Variants in SLC30A7 observed in about 807,000 individuals in gnomAD.
SLC30A7 encodes solute carrier family 30 member 7.
Under a neutral mutation model 46.0 loss-of-function variants are expected in SLC30A7, and 35 were observed. The ratio of observed to expected loss-of-function variants is 0.76; its 90% CI spans 0.58 to 1.01. The LOEUF (loss-of-function observed/expected upper bound fraction) is 1.01. Ranked by LOEUF, SLC30A7 falls within the 50% of genes least tolerant of loss-of-function variation. The pLI is 0.00. For missense variants in SLC30A7, 464 were observed against 451.1 expected (o/e 1.03, Z -0.26); for synonymous variants, 147 against 157.8 (o/e 0.93, Z 0.51).
intron 8 of SLC30A7, among the ~76,000 whole-genome samples, chr1:100,956,839 A>G (rs2101078313): frequency 6.6e-6 from 1 of 152,206 alleles, no homozygotes; most frequent in East Asian, 1.9e-4. Context: ...CCATTTACCA[A>G]AAGTTCATGG....
chr1:100,967,026 C>T (rs1190224850), intron 10 of SLC30A7, among the ~76,000 whole-genome samples: 1 of 152,140 alleles, frequency 6.6e-6, no homozygotes, highest in African/African-American at 2.4e-5. Flanking sequence ...AGCTATGTAA[C>T]TGACTATTAA....
downstream of SLC30A7, among the ~76,000 whole-genome samples, chr1:100,985,578 C>G (rs1657216187): frequency 6.6e-6 from 1 of 152,060 alleles, no homozygotes; most frequent in African/African-American, 2.4e-5. Flanking sequence ...ATGCACAGAT[C>G]AATAGAACAG....
chr1:100,936,690 A>C (rs1414396794), intron 8 of SLC30A7, among the ~76,000 whole-genome samples: 1 of 152,104 alleles, frequency 6.6e-6, no homozygotes, highest in Non-Finnish European at 1.5e-5. Context: ...CCATCCATCC[A>C]CAGAACTCTT....
rs1187420834 is a variant in SLC30A7 at position 100,906,965 on chromosome 1, G to C, written c.296G>C (p.Gly99Ala). The change falls in exon 3 of 11, where the codon GGG becomes GCG. Residue 99 changes from glycine (G) to alanine (A), a missense_variant and splice_region_variant. Gly to Ala is a moderately conservative substitution (Grantham distance 60). Coordinates refer to ENST00000357650, the MANE Select transcript of SLC30A7 (RefSeq NM_133496.5). ...AGAGATAATGATGCTTTCTCCTATG[G>C]GTAAGACTTTAAGAAAAAAAATCTT... ...KWRDNDAFSY[G>A]YVRAEVLAGF... The C allele has an allele frequency of 1.3e-6, 2 of 1,583,952 alleles. No homozygotes were observed. Among genetic ancestry groups the C allele is most frequent in the Non-Finnish European group, 1.7e-6 (2 of 1,156,764 alleles).
In SLC30A7 at chr1:100,912,163, A is replaced by G; in HGVS notation, c.436A>G (p.Ile146Val). 2 of 1,613,932 alleles carry G rather than the reference A, an allele frequency of 1.2e-6. No individual in the cohort carries two copies. The highest frequency in any genetic ancestry group is 1.7e-6 in the Non-Finnish European group (2 of 1,179,862). The change falls in exon 5 of 11, where the codon ATT (isoleucine) becomes GTT (valine). Residue 146 changes from isoleucine to valine, a missense_variant. Ile to Val is a conservative substitution (Grantham distance 29). Coordinates refer to ENST00000357650, the MANE Select transcript of SLC30A7 (RefSeq NM_133496.5). ...CCATGAGAGACTGCTTCTTGTTTCC[A>G]TTCTTGGGTTTGTGGTAAACCTAAT... ...VHHERLLLVS[I>V]LGFVVNLIGI...
At chr1:100,915,098 AC>A (rs1302637483) in intron 6 of SLC30A7, among the ~76,000 whole-genome samples, 3 of 89,970 alleles carry the variant, frequency 3.3e-5, no homozygotes, top group African/African-American at 4.5e-5. Context: ...GTTTCCTCCT[AC>A]TCTCAATTCT....
intron 2 of SLC30A7, among the ~76,000 whole-genome samples, chr1:100,899,933 T>C (rs1651197302): frequency 6.6e-6 from 1 of 152,166 alleles, no homozygotes; most frequent in Admixed American, 6.5e-5. Context: ...CAGCCATGTA[T>C]TCTGCGGAAA....
At chr1:100,955,312 A>T (rs1655167854) in intron 8 of SLC30A7, among the ~76,000 whole-genome samples, 1 of 152,092 alleles carries the variant, frequency 6.6e-6, no homozygotes, top group South Asian at 2.1e-4. Context: ...AGTAAAGAGT[A>T]ATAAGTAACT....
intron 2 of SLC30A7, 113 bp downstream of exon 2, chr1:100,896,784 C>T: frequency 2.4e-6 from 2 of 848,958 alleles, no homozygotes; most frequent in Non-Finnish European, 3.9e-6. Flanking sequence ...ACCTTTGTTA[C>T]CTACCTCTGC....
chr1:100,941,825 C>G, intron 8 of SLC30A7: 1 of 527,382 alleles, frequency 1.9e-6, no homozygotes, highest in South Asian at 1.6e-5. Context: ...ACCCAAGGCC[C>G]CTGGAGTGCC....
chr1:100,907,534 C>A (rs983360878), intron 3 of SLC30A7, among the ~76,000 whole-genome samples: 1 of 152,134 alleles, frequency 6.6e-6, no homozygotes, highest in East Asian at 1.9e-4. Flanking sequence ...TTTGATTACA[C>A]TGCCTGAGTG....
intron 2 of SLC30A7, among the ~76,000 whole-genome samples, chr1:100,899,347 A>G (rs1298500678): frequency 6.6e-6 from 1 of 152,238 alleles, no homozygotes. Context: ...CAGCAATGAC[A>G]AAACATTAAA....
chr1:100,924,343 G>C (rs143652323), intron 8 of SLC30A7, among the ~76,000 whole-genome samples: 102 of 151,882 alleles, frequency 6.7e-4, no homozygotes, highest in Middle Eastern at 3.4e-3. Flanking sequence ...CTGGATTCTG[G>C]GCTTTGCTCA....
chr1:100,939,320 G>A (rs1310703094), intron 8 of SLC30A7, among the ~76,000 whole-genome samples: 1 of 152,030 alleles, frequency 6.6e-6, no homozygotes, highest in African/African-American at 2.4e-5. Flanking sequence ...AGACAATTTA[G>A]CAAAGTTACA....
intron 8 of SLC30A7, among the ~76,000 whole-genome samples, chr1:100,942,523 A>G (rs1654410425): frequency 1.3e-5 from 2 of 152,216 alleles, no homozygotes; most frequent in Non-Finnish European, 2.9e-5. Flanking sequence ...TTTTTTCCCC[A>G]GACACCAAGC....
At chr1:100,926,246 T>C (rs1248005114) in intron 8 of SLC30A7, among the ~76,000 whole-genome samples, 1 of 152,218 alleles carries the variant, frequency 6.6e-6, no homozygotes, top group East Asian at 1.9e-4. Context: ...ATAACCAAAG[T>C]AATACTTTGC....
chr1:100,982,483 A>G (rs373043355), downstream of SLC30A7, among the ~76,000 whole-genome samples: 2 of 152,248 alleles, frequency 1.3e-5, no homozygotes, highest in Non-Finnish European at 2.9e-5. Context: ...TTCCCATTCA[A>G]TTCTCAACTA....
At position 100,918,119 on chromosome 1, in the gene SLC30A7, T is replaced by C; in HGVS notation, c.698T>C (p.Ile233Thr). 6.2e-7 allele frequency: 1 copy of C among 1,612,094 alleles called. No homozygotes were observed. Among genetic ancestry groups the C allele is most frequent in the Non-Finnish European group, 8.5e-7 (1 of 1,178,648 alleles). ...GAAACAACAGGACCCAGCAGACAGA[T>C]TTTACAAGGTATGACAAGCAATTTT... The part of the protein sequence containing the change: ...LKETTGPSRQ[I>T]LQGVFLHILA... Residue 233 changes from isoleucine (I) to threonine (T), a missense_variant, in exon 7 of 11, where the codon ATT becomes ACT. Transcript: ENST00000357650.
At chr1:100,984,243 AC>A (rs1452989625), downstream of SLC30A7, among the ~76,000 whole-genome samples, 2 of 152,076 alleles carry the variant, frequency 1.3e-5, no homozygotes, top group East Asian at 1.9e-4. Flanking sequence ...TTCTCTCTGT[AC>A]CCCCACCACA....
Sources: gnomAD v4.1 joint callset for allele counts (sites outside exome capture counted in the v4.1 genomes callset) on GRCh38, gnomAD v4.1.1 for gene constraint, MANE v1.5 for transcripts, NCBI Gene and HGNC (gene_info 2026-07-23, HGNC 2026-07-21) for gene names.